KRAS: variants seen among roughly 807,000 people sequenced by gnomAD.
KRAS encodes the protein GTPase KRas.
In KRAS, 1 loss-of-function variant was observed where a neutral mutation model predicts 21.0. The ratio of observed to expected loss-of-function variants is 0.05; its 90% CI spans 0.02 to 0.23. The LOEUF (loss-of-function observed/expected upper bound fraction) is 0.23, where lower values mean the gene tolerates loss of function less well. KRAS is among the 10% of genes least tolerant of loss of function. The pLI is 1.00. For missense variants in KRAS, 107 were observed against 221.8 expected, an observed-to-expected ratio of 0.48 and a Z score of 3.29; for synonymous variants, 67 against 72.5, an observed-to-expected ratio of 0.92 and a Z score of 0.39.
intron 2 of KRAS, among the ~76,000 whole-genome samples, chr12:25,244,486 C>T (rs1951651027): frequency 6.6e-6 from 1 of 152,100 alleles, no homozygotes; most frequent in African/African-American, 2.4e-5. Flanking sequence ...AATGTCCCCT[C>T]CTGGAGGTCT....
intron 2 of KRAS, among the ~76,000 whole-genome samples, chr12:25,228,176 A>ATT (rs1951417749): frequency 1.9e-5 from 2 of 103,548 alleles, no homozygotes; most frequent in African/African-American, 7.4e-5. Context: ...TTTTTCTTTC[A>ATT]TCTTTTTTTT....
chr12:25,221,435 C>T (rs571624203), intron 4 of KRAS, among the ~76,000 whole-genome samples: 2 of 152,124 alleles, frequency 1.3e-5, no homozygotes, highest in Middle Eastern at 3.4e-3. Context: ...GTTTCAACCA[C>T]GTTGGCCAGG....
chr12:25,207,300 G>A lies in KRAS; in HGVS notation c.*2495C>T. On this transcript the variant is annotated 3_prime_UTR_variant, in exon 5 of 5. Transcript: ENST00000311936. ...AGGCCAAGGTGGGTGAATCACTTGA[G>A]GTCAGGAGTTCGAGACCAGCCTGGC... 5.1e-6 allele frequency: 1 copy of A among 194,234 alleles called. No individual in the cohort carries two copies. The highest frequency in any genetic ancestry group is 1.1e-5 in the Non-Finnish European group (1 of 93,154). 12.0% of individuals were successfully genotyped at this position (194,234 alleles called of 1,614,324 possible).
At chr12:25,213,087 T>C (rs12299793) in intron 4 of KRAS, among the ~76,000 whole-genome samples, 8,704 of 152,082 alleles carry the variant, frequency 0.057, 798 homozygotes, top group African/African-American at 0.2. Flanking sequence ...TTTTTTAAAT[T>C]GTATTTAATT....
In KRAS at chr12:25,245,192, T is replaced by C; in HGVS notation, c.111+82A>G. ...AGCATAATTATCTTGTAATAAGTAC[T>C]CATGAAAATGGTCAGAGAAACCTTT... is the stretch of plus-strand genomic sequence containing the variant. On this transcript the variant is annotated intron_variant, in intron 2 of 4. Coordinates refer to ENST00000311936, the MANE Select transcript of KRAS (RefSeq NM_004985.5). 4 of 1,372,844 alleles carry C rather than the reference T, an allele frequency of 2.9e-6. No individual in the cohort carries two copies. The Admixed American group carries it at 7.9e-5, about 27-fold the overall frequency. 85.0% of individuals were successfully genotyped at this position (1,372,844 alleles called of 1,614,324 possible).
intron 4 of KRAS, among the ~76,000 whole-genome samples, chr12:25,222,031 C>T (rs1221483713): frequency 6.6e-6 from 1 of 151,812 alleles, no homozygotes; most frequent in Non-Finnish European, 1.5e-5. Flanking sequence ...TGCCTGTAGT[C>T]CCAGCTACTT....
chr12:25,229,202 G>A (rs1372577271), intron 2 of KRAS, among the ~76,000 whole-genome samples: 3 of 152,100 alleles, frequency 2.0e-5, no homozygotes, highest in Non-Finnish European at 4.4e-5. Context: ...AAAAGTTATT[G>A]ACAAAACAAA....
intron 1 of KRAS, among the ~76,000 whole-genome samples, chr12:25,249,515 C>T (rs992095876): frequency 7.6e-6 from 1 of 131,146 alleles, no homozygotes; most frequent in Non-Finnish European, 1.6e-5. Context: ...TTGCTTGAAC[C>T]CAGGAGGCGG....
Position 25,245,695 on chromosome 12 carries a change from G to C in KRAS, c.-11-300C>G, listed in dbSNP as rs542012719. Among the ~76,000 whole-genome samples, 24 of 152,260 alleles carry C rather than the reference G, an allele frequency of 1.6e-4. 1 individual carries two copies. In the South Asian group the frequency reaches 4.8e-3, roughly 30 times the overall value. ...GTTCTATCTAAATAGCCAGACTGCT[G>C]TTCTGCGGCGGCTAAAGGCTCTCAA... On this transcript the variant is annotated intron_variant, in intron 1 of 4. Transcript: ENST00000311936.
chr12:25,227,244 G>A lies in KRAS; in HGVS notation c.280C>T (p.His94Tyr). ...INNTKSFEDI[H>Y]HYREQIKRVK... ...TCAATTTAAACCCACCTATAATGGT[G>A]AATATCTTCAAATGATTTAGTATTA... The change falls in exon 3 of 5, where the codon CAC (histidine) becomes TAC (tyrosine). Residue 94 changes from histidine (H) to tyrosine (Y), a missense_variant. His to Tyr is a moderately conservative substitution (Grantham distance 83). Around this residue, in one of 2 missense-constraint regions of KRAS, gnomAD observed 42 missense variants for 139.4 expected, o/e 0.30. Transcript: ENST00000311936. 6.2e-7 allele frequency: 1 copy of A among 1,611,766 alleles called. No homozygotes were observed. The highest frequency in any genetic ancestry group is 1.1e-5 in the South Asian group (1 of 91,004).
Position 25,209,120 on chromosome 12 carries a change from C to G in KRAS, c.*675G>C. Reference sequence around the variant, plus strand: ...ATTAGGAGTCTTTATAGTAATTTATCTAATGTGAAAAGGAAATGGCCTTAT... The same window carrying G: ...ATTAGGAGTCTTTATAGTAATTTATGTAATGTGAAAAGGAAATGGCCTTAT... On this transcript the variant is annotated 3_prime_UTR_variant, in exon 5 of 5. Transcript: ENST00000311936. 1 of 549,858 alleles carries G rather than the reference C, an allele frequency of 1.8e-6. No homozygotes were observed. Among genetic ancestry groups the G allele is most frequent in the Non-Finnish European group, 3.2e-6 (1 of 311,678 alleles). The allele number at this position is 549,858 out of a possible 1,614,324, so 34.1% of individuals were successfully genotyped here. A position where few individuals can be genotyped will look rare whatever the true frequency, so the allele number is the denominator to read the frequency against.
In KRAS at chr12:25,248,738, T is replaced by G. The variant is rs538559290; in HGVS notation, c.-12+2013A>C. Among the ~76,000 whole-genome samples the G allele has an allele frequency of 8.4e-4, 127 of 151,562 alleles. 1 individual carries two copies. The highest frequency in any genetic ancestry group is 3.0e-3 in the African/African-American group (123 of 41,294). ...TGGGAGGGGATCCCTCACCGAGAGT[T>G]AGAAAAGCTAGTAAGGAGTGGACTG... On this transcript the variant is annotated intron_variant, in intron 1 of 4. Coordinates refer to ENST00000311936, the MANE Select transcript of KRAS (RefSeq NM_004985.5).
chr12:25,247,432 G>A (rs368396946), intron 1 of KRAS, among the ~76,000 whole-genome samples: 2 of 152,180 alleles, frequency 1.3e-5, no homozygotes, highest in African/African-American at 4.8e-5. Context: ...CTTATTGGCT[G>A]CTTGTCTAGG....
intron 1 of KRAS, among the ~76,000 whole-genome samples, chr12:25,248,433 G>A (rs939075813): frequency 1.3e-5 from 2 of 152,094 alleles, no homozygotes; most frequent in East Asian, 1.9e-4. Flanking sequence ...CTGGGTGACA[G>A]AGTGAGACTC....
chr12:25,232,928 T>C (rs1038799335), intron 2 of KRAS, among the ~76,000 whole-genome samples: 6 of 152,224 alleles, frequency 3.9e-5, no homozygotes, highest in African/African-American at 9.6e-5. Context: ...GCCTTTGACA[T>C]AGTAATGTTA....
intron 4 of KRAS, chr12:25,215,111 A>AAAAG (rs1951239401): frequency 6.3e-6 from 2 of 316,732 alleles, no homozygotes; most frequent in South Asian, 2.7e-4. Context: ...AAAAAAAAAA[A>AAAAG]AAAAGCTGCT....
intron 1 of KRAS, among the ~76,000 whole-genome samples, chr12:25,248,196 G>C (rs556997834): frequency 6.6e-6 from 1 of 151,254 alleles, no homozygotes; most frequent in Middle Eastern, 3.5e-3. Context: ...GCCGGGTGTG[G>C]TGGCCTGTAA....
rs780974222 is a variant in KRAS at position 25,227,300 on chromosome 12, C to G, written c.224G>C (p.Gly75Ala). ...SAMRDQYMRT[G>A]EGFLCVFAIN... ...GGCAAATACACAAAGAAAGCCCTCC[C>G]CAGTCCTCATGTACTGGTCCCTCAT... Residue 75 changes from glycine (G) to alanine (A), a missense_variant, in exon 3 of 5, where the codon GGG becomes GCG. By Grantham distance (60) the Gly-to-Ala change is moderately conservative. Around this residue, in one of 2 missense-constraint regions of KRAS, gnomAD observed 42 missense variants for 139.4 expected, o/e 0.30. Coordinates refer to ENST00000311936, the MANE Select transcript of KRAS (RefSeq NM_004985.5). 1 of 1,613,916 alleles carries G rather than the reference C, an allele frequency of 6.2e-7. No homozygotes were observed. The highest frequency in any genetic ancestry group is 8.5e-7 in the Non-Finnish European group (1 of 1,179,858).
At chr12:25,242,533 G>A (rs1951623731) in intron 2 of KRAS, among the ~76,000 whole-genome samples, 1 of 152,072 alleles carries the variant, frequency 6.6e-6, no homozygotes, top group African/African-American at 2.4e-5. Flanking sequence ...TATCTCTTTA[G>A]TGGGCTTCAT....
Sources: gnomAD v4.1 joint callset for allele counts (sites outside exome capture counted in the v4.1 genomes callset) on GRCh38, gnomAD v4.1.1 for gene constraint, gnomAD v4.1.1 regional missense constraint, MANE v1.5 for transcripts, NCBI Gene and HGNC (gene_info 2026-07-23, HGNC 2026-07-21) for gene names.